Variants in TRPC4 observed in about 807,000 individuals in gnomAD.
TRPC4 encodes the protein transient receptor potential cation channel subfamily C member 4, also known as short transient receptor potential channel 4.
Under a neutral mutation model 99.4 loss-of-function variants are expected in TRPC4, and 49 were observed. That is an observed-to-expected ratio of 0.49 (90% CI 0.39 to 0.63). The LOEUF (loss-of-function observed/expected upper bound fraction) is 0.63, where lower values mean the gene tolerates loss of function less well. TRPC4 is among the 20% of genes least tolerant of loss of function. The pLI, the probability that TRPC4 is intolerant of heterozygous loss-of-function variation, is 0.00. For missense variants in TRPC4, 898 were observed against 1,152.9 expected, an observed-to-expected ratio of 0.78 and a Z score of 3.20; for synonymous variants, 454 against 425.9, an observed-to-expected ratio of 1.07 and a Z score of -0.81.
intron 3 of TRPC4, among the ~76,000 whole-genome samples, chr13:37,729,392 T>C (rs1955171472): frequency 6.6e-6 from 1 of 151,758 alleles, no homozygotes; most frequent in African/African-American, 2.4e-5. Context: ...GAATGTAAAA[T>C]GGTAAAGCCA....
intron 3 of TRPC4, among the ~76,000 whole-genome samples, chr13:37,715,779 A>C (rs1954641754): frequency 6.6e-6 from 1 of 152,182 alleles, no homozygotes; most frequent in South Asian, 2.1e-4. Flanking sequence ...ACACTTGCGA[A>C]ATCTACCAGT....
intron 2 of TRPC4, among the ~76,000 whole-genome samples, chr13:37,782,555 T>C (rs948423097): frequency 2.0e-5 from 3 of 151,704 alleles, no homozygotes; most frequent in African/African-American, 7.3e-5. Context: ...AATAGGAAAA[T>C]AACAAAATAA....
chr13:37,869,127 C>A (rs1959985554), intron 1 of TRPC4, among the ~76,000 whole-genome samples: 1 of 152,142 alleles, frequency 6.6e-6, no homozygotes, highest in South Asian at 2.1e-4. Context: ...GATCACTCTC[C>A]TTCCTTCGTT....
At chr13:37,663,298 G>A in intron 6 of TRPC4, 118 bp downstream of exon 6, 1 of 937,848 alleles carries the variant, frequency 1.1e-6, no homozygotes, top group East Asian at 2.7e-5. Context: ...TCTGCATTAA[G>A]CACAATTTTA....
At chr13:37,749,405 A>T in intron 2 of TRPC4, among the ~76,000 whole-genome samples, 1 of 152,200 alleles carries the variant, frequency 6.6e-6, no homozygotes, top group East Asian at 1.9e-4. Context: ...TTTACCATTA[A>T]TTGCCTGGCA....
intron 1 of TRPC4, among the ~76,000 whole-genome samples, chr13:37,808,910 C>G (rs183444642): frequency 3.6e-4 from 54 of 152,104 alleles, no homozygotes; most frequent in Admixed American, 3.3e-3. Flanking sequence ...CCCCTGAAAC[C>G]GCCATCTAAG....
At chr13:37,696,881 C>A (rs1953919640) in intron 3 of TRPC4, among the ~76,000 whole-genome samples, 1 of 149,986 alleles carries the variant, frequency 6.7e-6, no homozygotes, top group Non-Finnish European at 1.5e-5. Flanking sequence ...GGCAGAAGAA[C>A]TTCAGGGAAT....
chr13:37,731,873 A>G (rs1955249929), intron 3 of TRPC4, among the ~76,000 whole-genome samples: 1 of 152,022 alleles, frequency 6.6e-6, no homozygotes, highest in African/African-American at 2.4e-5. Flanking sequence ...CTTTCCCCAT[A>G]TAGCATTTAC....
intron 1 of TRPC4, among the ~76,000 whole-genome samples, chr13:37,827,636 T>A (rs959529367): frequency 6.6e-6 from 1 of 152,142 alleles, no homozygotes; most frequent in Admixed American, 6.5e-5. Flanking sequence ...CATTCTCAGA[T>A]CTCCAGCTGC....
At chr13:37,794,894 C>T (rs1475056669) in intron 1 of TRPC4, among the ~76,000 whole-genome samples, 1 of 151,996 alleles carries the variant, frequency 6.6e-6, no homozygotes, top group Non-Finnish European at 1.5e-5. Context: ...TTCAGATAAA[C>T]ACAATTAAGA....
Position 37,636,813 on chromosome 13 carries a change from G to A in TRPC4, c.*90C>T, listed in dbSNP as rs568352016. On this transcript the variant is annotated 3_prime_UTR_variant, in exon 11 of 11. Coordinates refer to ENST00000379705, the MANE Select transcript of TRPC4 (RefSeq NM_016179.4). The stretch of plus-strand genomic sequence containing the variant: ...GATAAACGCTATAAAGTGTAAGTTA[G>A]CATTTGCTAATACAATTTAAACATT... The A allele has an allele frequency of 2.5e-5, 37 of 1,484,256 alleles. No homozygotes were observed. In the South Asian group the frequency reaches 4.7e-4, roughly 19 times the overall value. The allele number at this position is 1,484,256 out of a possible 1,614,324, so 91.9% of individuals were successfully genotyped here.
intron 3 of TRPC4, among the ~76,000 whole-genome samples, chr13:37,738,267 G>A (rs537981938): frequency 6.6e-6 from 1 of 152,212 alleles, no homozygotes; most frequent in East Asian, 1.9e-4. Context: ...GAGAAAGATG[G>A]GAAAAATTTG....
rs551227165 is a variant in TRPC4, at chr13:37,729,648, T to C, written c.897+16289A>G. Among the ~76,000 whole-genome samples, 6 of 152,254 alleles carry C rather than the reference T, an allele frequency of 3.9e-5. No individual in the cohort carries two copies. The South Asian group carries it at 1.0e-3, about 26-fold the overall frequency. ...TAAATACATACAATGGAATATTGTT[T>C]AGCATTAAAAAGGAAGGAAAAATCT... On this transcript the variant is annotated intron_variant, in intron 3 of 10. Coordinates refer to ENST00000379705, the MANE Select transcript of TRPC4 (RefSeq NM_016179.4).
At chr13:37,749,621 G>A (rs548943048) in intron 2 of TRPC4, among the ~76,000 whole-genome samples, 3 of 152,160 alleles carry the variant, frequency 2.0e-5, no homozygotes, top group South Asian at 2.1e-4. Context: ...TGCCTGTTAC[G>A]GAGTACTAAC....
chr13:37,694,555 TA>T (rs544137884), intron 3 of TRPC4, among the ~76,000 whole-genome samples: 7 of 152,080 alleles, frequency 4.6e-5, no homozygotes, highest in South Asian at 4.2e-4. Context: ...TAAAATTACC[TA>T]AAAAAAAGCA....
At chr13:37,813,967 TA>T (rs1045319226) in intron 1 of TRPC4, among the ~76,000 whole-genome samples, 1 of 151,768 alleles carries the variant, frequency 6.6e-6, no homozygotes, top group African/African-American at 2.4e-5. Context: ...CCAGCAGTAT[TA>T]AAAAATGACT....
intron 4 of TRPC4, among the ~76,000 whole-genome samples, chr13:37,681,125 C>A (rs1344991524): frequency 6.6e-6 from 1 of 152,178 alleles, no homozygotes; most frequent in Non-Finnish European, 1.5e-5. Flanking sequence ...TTTATTTCGA[C>A]TTCCTTCATA....
chr13:37,827,952 A>AGGTGCG (rs1958294234), intron 1 of TRPC4, among the ~76,000 whole-genome samples: 1 of 152,168 alleles, frequency 6.6e-6, no homozygotes, highest in Non-Finnish European at 1.5e-5. Context: ...CCTCCGAGCC[A>AGGTGCG]GGTGCGGGAT....
intron 6 of TRPC4, among the ~76,000 whole-genome samples, chr13:37,656,994 G>C (rs1393432418): frequency 6.6e-6 from 1 of 152,148 alleles, no homozygotes; most frequent in Admixed American, 6.5e-5. Context: ...CTAAATGCCT[G>C]TTACTTGAAA....
Sources: gnomAD v4.1 joint callset for allele counts (sites outside exome capture counted in the v4.1 genomes callset) on GRCh38, gnomAD v4.1.1 for gene constraint, MANE v1.5 for transcripts, NCBI Gene and HGNC (gene_info 2026-07-23, HGNC 2026-07-21) for gene names.